KLHL22: variants seen among roughly 807,000 people sequenced by gnomAD.
The protein encoded by KLHL22 is kelch-like protein 22.
A neutral mutation model predicts 60.7 loss-of-function variants in KLHL22; 18 were observed. The ratio of observed to expected loss-of-function variants is 0.30; its 90% confidence interval spans 0.20 to 0.44. KLHL22 has a LOEUF of 0.44. KLHL22 is among the 20% of genes least tolerant of loss of function. The pLI is 1.00. For missense variants in KLHL22, 596 were observed against 852.3 expected (o/e 0.70, Z 3.74); for synonymous variants, 355 against 354.5 (o/e 1.00, Z -0.01).
chr22:20,468,874 T>C (rs1203944703), intron 3 of KLHL22, among the ~76,000 whole-genome samples: 2 of 152,098 alleles, frequency 1.3e-5, no homozygotes, highest in African/African-American at 4.8e-5. Context: ...CAGGCTGATC[T>C]CAAACTCCTG....
In KLHL22 at chr22:20,465,151, G is replaced by A. The variant is rs1265140707; in HGVS notation, c.819C>T (p.Ala273=). ...PSPLRDTVAS[A]LMYHRNESLQ... ...GGCTCTCGTTCCGGTGGTACATGAG[G>A]GCGCTGGCCACTGTGTCCCTCAAAG... Residue 273 remains alanine, a synonymous_variant, in exon 4 of 7, where the codon GCC becomes GCT. Transcript: ENST00000328879. The surrounding 1 kb of genome is among the most constrained non-coding windows in gnomAD (Gnocchi z 4.9). The A allele has an allele frequency of 9.3e-6, 15 of 1,613,888 alleles. No homozygotes were observed. Among genetic ancestry groups the A allele is most frequent in the Non-Finnish European group, 1.3e-5 (15 of 1,180,030 alleles).
chr22:20,488,577 G>T (rs952307255), intron 2 of KLHL22: 3 of 209,792 alleles, frequency 1.4e-5, no homozygotes, highest in Non-Finnish European at 2.9e-5. Flanking sequence ...AGGGGCCACA[G>T]AGCTCACTGG....
intron 2 of KLHL22, among the ~76,000 whole-genome samples, chr22:20,477,253 T>C (rs556384287): frequency 6.6e-6 from 1 of 151,898 alleles, no homozygotes; most frequent in Admixed American, 6.6e-5. Context: ...ATTAGCTGCA[T>C]GGTGGTGCAC....
chr22:20,466,539 A>T (rs1442607434), intron 3 of KLHL22, among the ~76,000 whole-genome samples: 1 of 152,080 alleles, frequency 6.6e-6, no homozygotes, highest in Non-Finnish European at 1.5e-5. Context: ...AAGCGCTGGG[A>T]CCAGAAACAA....
At chr22:20,457,317 T>C (rs1367506410) in intron 5 of KLHL22, among the ~76,000 whole-genome samples, 1 of 151,962 alleles carries the variant, frequency 6.6e-6, no homozygotes, top group Admixed American at 6.6e-5. Flanking sequence ...GGATTTAATA[T>C]AAAAAATAAA....
chr22:20,491,602 AAC>A (rs2053692716), intron 1 of KLHL22: 2 of 152,326 alleles, frequency 1.3e-5, no homozygotes, highest in African/African-American at 4.8e-5. Flanking sequence ...TGTGTATCTA[AAC>A]ACAGACAAGG....
chr22:20,493,078 G>A (rs1261345117), intron 1 of KLHL22: 3 of 461,458 alleles, frequency 6.5e-6, no homozygotes, highest in African/African-American at 4.0e-5. Context: ...AGAGTCAAGA[G>A]GGCCTCCTTC....
chr22:20,449,913 C>T (rs867984240), intron 5 of KLHL22, among the ~76,000 whole-genome samples: 2 of 152,190 alleles, frequency 1.3e-5, no homozygotes, highest in South Asian at 2.1e-4. Context: ...CATCACGTCG[C>T]GTGGCCGCAG....
Position 20,464,957 on chromosome 22 carries a change from CG to C in KLHL22, c.1012del (p.Arg338AlafsTer16). 2 of 1,606,890 alleles carry C rather than the reference CG, an allele frequency of 1.2e-6. No individual in the cohort carries two copies. The highest frequency in any genetic ancestry group is 1.7e-5 in the Admixed American group (1 of 59,162). On this transcript the variant is annotated frameshift_variant, in exon 4 of 7. Transcript: ENST00000328879. LOFTEE classifies it high-confidence loss of function. ...CACCGCGATGCCCTGGTTGGACATGCGGGGGGCCAGGGAGGCAGTGAAGTGC... is the reference window on the plus strand; with the variant it reads ...CACCGCGATGCCCTGGTTGGACATGCGGGGGCCAGGGAGGCAGTGAAGTGC... ...WKHFTASLAPRMSNQGIAVLN... is the reference protein window; with the variant it reads ...WKHFTASLAPXMSNQGIAVLN...
chr22:20,488,681 A>AGGGAGGGAGGGGAGGGGAGAGGAG, intron 2 of KLHL22: 1 of 382,708 alleles, frequency 2.6e-6, no homozygotes, highest in East Asian at 5.8e-5. Context: ...AGGAATGGTA[A>AGGGAGGGAGGGGAGGGGAGAGGAG]GGGAGGGGAG....
chr22:20,450,362 T>C, intron 5 of KLHL22: 1 of 1,385,208 alleles, frequency 7.2e-7, no homozygotes, highest in Non-Finnish European at 1.0e-6. Flanking sequence ...TTTGACTGCC[T>C]CTACCATGGA....
chr22:20,446,523 C>G lies in KLHL22; in HGVS notation c.1459G>C (p.Gly487Arg), dbSNP rs772980153. Residue 487 changes from glycine (G) to arginine (R), a missense_variant, in exon 6 of 7, where the codon GGC becomes CGC. Transcript: ENST00000328879. ...ADGPVRRAWHGMATLLNKLYV... is the reference protein window; with the variant it reads ...ADGPVRRAWHRMATLLNKLYV... ...AGCTTGTTGAGGAGGGTTGCCATGC[C>G]GTGCCAGGCGCGCCGCACAGGCCCA... The G allele has an allele frequency of 1.2e-6, 2 of 1,613,506 alleles. No homozygotes were observed. The highest frequency in any genetic ancestry group is 1.7e-6 in the Non-Finnish European group (2 of 1,179,976).
intron 3 of KLHL22, among the ~76,000 whole-genome samples, chr22:20,467,439 G>C (rs2053252206): frequency 6.6e-6 from 1 of 152,188 alleles, no homozygotes; most frequent in Non-Finnish European, 1.5e-5. Context: ...GCTCTGGCCA[G>C]ATCACCCTGG....
At chr22:20,493,529 C>T (rs2053722995) in intron 1 of KLHL22, among the ~76,000 whole-genome samples, 1 of 152,336 alleles carries the variant, frequency 6.6e-6, no homozygotes, top group East Asian at 1.9e-4. Flanking sequence ...CGCCTGTAAT[C>T]CCAACACTTC....
intron 5 of KLHL22, among the ~76,000 whole-genome samples, chr22:20,452,291 T>C (rs1051558331): frequency 1.3e-5 from 2 of 151,948 alleles, no homozygotes; most frequent in African/African-American, 4.8e-5. Context: ...ATACATTTTC[T>C]AATCTACAGG....
intron 2 of KLHL22, among the ~76,000 whole-genome samples, chr22:20,474,693 G>A (rs1428899419): frequency 6.6e-6 from 1 of 152,122 alleles, no homozygotes; most frequent in Non-Finnish European, 1.5e-5. Context: ...CGCCCAGCCA[G>A]CTGTCTCACT....
At chr22:20,479,409 C>T (rs893013198) in intron 2 of KLHL22, among the ~76,000 whole-genome samples, 1 of 152,010 alleles carries the variant, frequency 6.6e-6, no homozygotes, top group Non-Finnish European at 1.5e-5. Context: ...AAAAGTAGGC[C>T]GGATATGGTG....
Position 20,451,502 on chromosome 22 carries a change from A to C in KLHL22, c.1306-4826T>G. 1.9e-6 allele frequency: 3 copies of C among 1,598,754 alleles called. No individual in the cohort carries two copies. The South Asian group carries it at 3.3e-5, about 18-fold the overall frequency. On this transcript the variant is annotated intron_variant, in intron 5 of 6. Coordinates refer to ENST00000328879, the MANE Select transcript of KLHL22 (RefSeq NM_032775.4). ...ACTAATGTTACACCAATGGCCACCA[A>C]GCGTTCTGGTGCAGGAGTAGCCCTG...
chr22:20,446,721 A>G (rs962978356), intron 5 of KLHL22, 45 bp from the exon 6 acceptor site: 7 of 1,509,696 alleles, frequency 4.6e-6, no homozygotes, highest in Middle Eastern at 1.7e-4. Flanking sequence ...GGCAGTGAGG[A>G]AGGGTGGCTG....
Sources: gnomAD v4.1 joint callset for allele counts (sites outside exome capture counted in the v4.1 genomes callset) on GRCh38, gnomAD v4.1.1 for gene constraint, Gnocchi (gnomAD v3.1) non-coding constraint, MANE v1.5 for transcripts, NCBI Gene and HGNC (gene_info 2026-07-23, HGNC 2026-07-21) for gene names.